The following NUP155 variants were observed in gnomAD, a reference collection of about 807,000 sequenced individuals.
NUP155 encodes nuclear pore complex protein Nup155.
In NUP155, 71 loss-of-function variants were observed where a neutral mutation model predicts 180.4. The ratio of observed to expected loss-of-function variants is 0.39; its 90% CI spans 0.33 to 0.48. NUP155 has a LOEUF of 0.48. Among genes scored for constraint, NUP155 ranks in the 20% least tolerant of loss-of-function variants. The probability of loss-of-function intolerance (pLI) is 0.91; values close to 1 mark genes in which losing one functional copy is unlikely to be tolerated. For missense variants in NUP155, 1,553 were observed against 1,648.9 expected (o/e 0.94, Z 1.01); for synonymous variants, 582 against 559.5 (o/e 1.04, Z -0.57).
At chr5:37,366,197 A>G (rs1170314042) in intron 1 of NUP155, among the ~76,000 whole-genome samples, 1 of 152,182 alleles carries the variant, frequency 6.6e-6, no homozygotes, top group Non-Finnish European at 1.5e-5. Context: ...GCTCCCGGAC[A>G]AGGCGTTATT....
intron 34 of NUP155, 70 bp downstream of exon 34, chr5:37,292,809 A>G (rs1209488261): frequency 4.2e-6 from 4 of 957,862 alleles, no homozygotes; most frequent in Non-Finnish European, 5.1e-6. Context: ...TTCTCTTCAA[A>G]TTTTTTACCC....
rs1743474145 is a variant in NUP155 at position 37,310,689 on chromosome 5, T to C, written c.2491A>G (p.Lys831Glu). ...TTFKDLVIRD[K>E]ELTGALIASL... Reference sequence around the variant, plus strand: ...GCAATTAATGCCCCTGTGAGTTCTTTGTCCCTGATTACAAGATCTTTAAAG... The same window carrying C: ...GCAATTAATGCCCCTGTGAGTTCTTCGTCCCTGATTACAAGATCTTTAAAG... The change falls in exon 23 of 35, where the codon AAA becomes GAA. Residue 831 changes from lysine (K) to glutamate (E), a missense_variant. Transcript: ENST00000231498. The C allele has an allele frequency of 5.6e-6, 9 of 1,613,842 alleles. No homozygotes were observed. The highest frequency in any genetic ancestry group is 7.6e-6 in the Non-Finnish European group (9 of 1,179,920).
At position 37,364,453 on chromosome 5, in the gene NUP155, T is replaced by G. The variant is rs934242774; in HGVS notation, c.158-69A>C. 16 of 1,417,610 alleles carry G rather than the reference T, an allele frequency of 1.1e-5. No individual in the cohort carries two copies. The East Asian group carries it at 3.3e-4, about 29-fold the overall frequency. The allele number at this position is 1,417,610 out of a possible 1,614,324, so 87.8% of individuals were successfully genotyped here. A position where few individuals can be genotyped will look rare whatever the true frequency, so the allele number is the denominator to read the frequency against. ...CAACCGGGCAAACAAAAGGATTGAGTGCCACAAAAAAATTGTTGTGTGTTG... is the reference window on the plus strand; with the variant it reads ...CAACCGGGCAAACAAAAGGATTGAGGGCCACAAAAAAATTGTTGTGTGTTG... On this transcript the variant is annotated intron_variant, in intron 1 of 34. Coordinates refer to ENST00000231498, the MANE Select transcript of NUP155 (RefSeq NM_153485.3).
chr5:37,288,739 CAAAAAATTA>C lies in NUP155; in HGVS notation c.*3152_*3160del. 1.5e-5 allele frequency: 1 copy of C among 68,286 alleles called. No homozygotes were observed. The highest frequency in any genetic ancestry group is 2.3e-5 in the Non-Finnish European group (1 of 42,590). 4.2% of individuals were successfully genotyped at this position (68,286 alleles called of 1,614,324 possible). On this transcript the variant is annotated 3_prime_UTR_variant, in exon 35 of 35. Transcript: ENST00000231498. ...AACAGAGTGAGATCTTTTGGCTACA[CAAAAAATTA>C]AAAAAAAAAAAAAAAAAAAAGTAGG...
At chr5:37,311,698 A>T (rs926327785) in intron 22 of NUP155, among the ~76,000 whole-genome samples, 7 of 151,734 alleles carry the variant, frequency 4.6e-5, no homozygotes, top group Non-Finnish European at 4.4e-5. Flanking sequence ...TGCAGCTAGT[A>T]ACTGGGGAAG....
chr5:37,334,266 C>T (rs541376868), intron 12 of NUP155, among the ~76,000 whole-genome samples: 9 of 152,084 alleles, frequency 5.9e-5, no homozygotes, highest in Non-Finnish European at 1.0e-4. Context: ...CCACGGCCGC[C>T]TAATTTTTCT....
chr5:37,316,858 T>C (rs73068411), intron 21 of NUP155, among the ~76,000 whole-genome samples: 20,055 of 147,206 alleles, frequency 0.14, 1,381 homozygotes, highest in African/African-American at 0.17. Context: ...CACTGAACTG[T>C]ACACTTAAAA....
chr5:37,351,365 G>A lies in NUP155; in HGVS notation c.557-9C>T. 6.2e-7 allele frequency: 1 copy of A among 1,600,700 alleles called. No individual in the cohort carries two copies. The highest frequency in any genetic ancestry group is 8.6e-7 in the Non-Finnish European group (1 of 1,168,804). On this transcript the variant is annotated splice_polypyrimidine_tract_variant and intron_variant, in intron 5 of 34. Transcript: ENST00000231498. Reference sequence around the variant, plus strand: ...ATTAAGAACTCCAGAACCTATTTAAGAAAGAATACATAAATCAGTTTATTA... The same window carrying A: ...ATTAAGAACTCCAGAACCTATTTAAAAAAGAATACATAAATCAGTTTATTA...
At chr5:37,368,063 G>A (rs1227127650) in intron 1 of NUP155, among the ~76,000 whole-genome samples, 1 of 151,988 alleles carries the variant, frequency 6.6e-6, no homozygotes, top group Non-Finnish European at 1.5e-5. Flanking sequence ...TTATGGGCGT[G>A]AGCCACCGCA....
chr5:37,326,018 T>G (rs767983221), intron 18 of NUP155, 51 bp from the exon 19 acceptor site: 2 of 1,249,810 alleles, frequency 1.6e-6, no homozygotes, highest in Admixed American at 3.4e-5. Flanking sequence ...TAAAAACAAT[T>G]ACAATAAATT....
At chr5:37,357,961 C>G in intron 4 of NUP155, 120 bp downstream of exon 4, 6 of 722,526 alleles carry the variant, frequency 8.3e-6, no homozygotes, top group Non-Finnish European at 1.5e-5. Context: ...CCACTGCACT[C>G]CAGCCTACTC....
intron 32 of NUP155, among the ~76,000 whole-genome samples, chr5:37,296,372 C>T (rs1432790505): frequency 1.3e-5 from 2 of 151,940 alleles, no homozygotes; most frequent in Admixed American, 1.3e-4. Flanking sequence ...GATCTGTGAC[C>T]TTACCCCCAA....
rs555209132 is a variant in NUP155 at position 37,298,100 on chromosome 5, G to A, written c.3793+768C>T. On this transcript the variant is annotated intron_variant, in intron 32 of 34. Coordinates refer to ENST00000231498, the MANE Select transcript of NUP155 (RefSeq NM_153485.3). Reference sequence around the variant, plus strand: ...TAAAAATACAGAAAATTAGCCAGGCGTGGTTGCAGGCACCTGTAATCCCAC... The same window carrying A: ...TAAAAATACAGAAAATTAGCCAGGCATGGTTGCAGGCACCTGTAATCCCAC... 2.6e-5 allele frequency among the ~76,000 whole-genome samples: 4 copies of A among 152,128 alleles called. No individual in the cohort carries two copies. In the South Asian group the frequency reaches 6.2e-4, roughly 24 times the overall value.
intron 9 of NUP155, among the ~76,000 whole-genome samples, chr5:37,345,658 A>T (rs1336485983): frequency 6.6e-6 from 1 of 152,026 alleles, no homozygotes; most frequent in Admixed American, 6.6e-5. Context: ...TAATCACAAC[A>T]CTTTGGGAGG....
intron 12 of NUP155, among the ~76,000 whole-genome samples, chr5:37,335,256 CT>C (rs1745251196): frequency 6.6e-6 from 1 of 151,508 alleles, no homozygotes; most frequent in African/African-American, 2.4e-5. Context: ...TGGCGTGTGC[CT>C]GTATTCCCAG....
rs1353601738 is a variant in NUP155 at position 37,363,884 on chromosome 5, A to G, written c.392+4T>C. On this transcript the variant is annotated splice_donor_region_variant and intron_variant, in intron 3 of 34. Coordinates refer to ENST00000231498, the MANE Select transcript of NUP155 (RefSeq NM_153485.3). ...CTTAAAGCAAACCAGCCTTAAATAC[A>G]TACCCATCCTCATAGTTCCACATGA... 19 of 1,596,278 alleles carry G rather than the reference A, an allele frequency of 1.2e-5. No individual in the cohort carries two copies. The highest frequency in any genetic ancestry group is 8.9e-5 in the East Asian group (4 of 44,778).
chr5:37,292,285 G>T (rs999813853), intron 34 of NUP155, among the ~76,000 whole-genome samples: 1 of 151,102 alleles, frequency 6.6e-6, no homozygotes, highest in Non-Finnish European at 1.5e-5. Flanking sequence ...GCGCCATCTC[G>T]GCTCACTGCA....
intron 17 of NUP155, 140 bp downstream of exon 17, chr5:37,328,218 T>C: frequency 1.4e-6 from 1 of 707,650 alleles, no homozygotes; most frequent in Non-Finnish European, 2.4e-6. Context: ...ATGCCAAAAC[T>C]TGCTTGGACA....
At chr5:37,328,989 G>C (rs1744783880) in intron 16 of NUP155, among the ~76,000 whole-genome samples, 2 of 152,052 alleles carry the variant, frequency 1.3e-5, no homozygotes, top group African/African-American at 4.8e-5. Flanking sequence ...AATATGATTG[G>C]TTACATCTTA....
Sources: gnomAD v4.1 joint callset for allele counts (sites outside exome capture counted in the v4.1 genomes callset) on GRCh38, gnomAD v4.1.1 for gene constraint, MANE v1.5 for transcripts, NCBI Gene and HGNC (gene_info 2026-07-23, HGNC 2026-07-21) for gene names.